Variants in OSBPL8 observed in about 807,000 individuals in gnomAD.
The protein encoded by OSBPL8 is oxysterol-binding protein-related protein 8.
In OSBPL8, 59 loss-of-function variants were observed where a neutral mutation model predicts 125.5. The ratio of observed to expected loss-of-function variants is 0.47; its 90% CI spans 0.38 to 0.58. The LOEUF (loss-of-function observed/expected upper bound fraction) is 0.58. OSBPL8 is among the 20% of genes least tolerant of loss of function. The pLI is 0.00. For missense variants in OSBPL8, 758 were observed against 1,047.8 expected, an observed-to-expected ratio of 0.72 and a Z score of 3.82; for synonymous variants, 330 against 338.9, an observed-to-expected ratio of 0.97 and a Z score of 0.29.
intron 17 of OSBPL8, among the ~76,000 whole-genome samples, chr12:76,374,835 A>T (rs1270209780): frequency 6.6e-6 from 1 of 152,152 alleles, no homozygotes; most frequent in Non-Finnish European, 1.5e-5. Flanking sequence ...CATAGTTATT[A>T]AGTCTGTGAG....
chr12:76,497,821 T>C (rs1879434169), intron 1 of OSBPL8, among the ~76,000 whole-genome samples: 1 of 152,182 alleles, frequency 6.6e-6, no homozygotes. Context: ...AAGAGACTCT[T>C]ATATAACACT....
At chr12:76,510,530 A>G (rs754676528) in intron 1 of OSBPL8, among the ~76,000 whole-genome samples, 2 of 152,202 alleles carry the variant, frequency 1.3e-5, no homozygotes, top group African/African-American at 4.8e-5. Flanking sequence ...CTTAATACCT[A>G]TTACTGCTTC....
chr12:76,553,425 A>G (rs1332154143), intron 1 of OSBPL8, among the ~76,000 whole-genome samples: 1 of 151,696 alleles, frequency 6.6e-6, no homozygotes, highest in Non-Finnish European at 1.5e-5. Flanking sequence ...GCACTTTGGG[A>G]GACCAAGGTG....
At chr12:76,495,989 C>T (rs1879223928) in intron 1 of OSBPL8, among the ~76,000 whole-genome samples, 1 of 151,948 alleles carries the variant, frequency 6.6e-6, no homozygotes, top group African/African-American at 2.4e-5. Flanking sequence ...TGTGTACTTC[C>T]TGAAGTATCT....
intron 1 of OSBPL8, among the ~76,000 whole-genome samples, chr12:76,518,586 G>T (rs1483074831): frequency 6.6e-6 from 1 of 152,222 alleles, no homozygotes; most frequent in Non-Finnish European, 1.5e-5. Flanking sequence ...CCTAGTAGAG[G>T]TTCTCTGTGA....
intron 12 of OSBPL8, among the ~76,000 whole-genome samples, chr12:76,387,905 G>T (rs1483803663): frequency 6.6e-6 from 1 of 152,044 alleles, no homozygotes; most frequent in Non-Finnish European, 1.5e-5. Flanking sequence ...TTACTGCCCC[G>T]TCTCTCCACA....
In OSBPL8 at chr12:76,470,667, T is replaced by C. The variant is rs61603403; in HGVS notation, c.43-10772A>G. Among the ~76,000 whole-genome samples, 124 of 152,302 alleles carry C rather than the reference T, an allele frequency of 8.1e-4. No individual in the cohort carries two copies. In the East Asian group the frequency reaches 0.021, roughly 25 times the overall value. Reference sequence around the variant, plus strand: ...ATTCCTTCTAGATTTCTATTCCATTTCTAACAAATCACTGATTAGTATATC... The same window carrying C: ...ATTCCTTCTAGATTTCTATTCCATTCCTAACAAATCACTGATTAGTATATC... On this transcript the variant is annotated intron_variant, in intron 2 of 23. Coordinates refer to ENST00000261183, the MANE Select transcript of OSBPL8 (RefSeq NM_020841.5).
chr12:76,463,831 C>A (rs1160493041), intron 2 of OSBPL8, among the ~76,000 whole-genome samples: 3 of 152,152 alleles, frequency 2.0e-5, no homozygotes, highest in African/African-American at 7.2e-5. Context: ...GATTACATAT[C>A]AAATTTACAA....
At chr12:76,441,315 C>T (rs995781278) in intron 4 of OSBPL8, among the ~76,000 whole-genome samples, 1 of 152,096 alleles carries the variant, frequency 6.6e-6, no homozygotes, top group African/African-American at 2.4e-5. Flanking sequence ...TTCATTGTTT[C>T]ATTCTTAAAT....
chr12:76,400,653 C>T (rs985184801), intron 6 of OSBPL8, among the ~76,000 whole-genome samples: 10 of 151,012 alleles, frequency 6.6e-5, no homozygotes, highest in South Asian at 2.1e-4. Flanking sequence ...AAGTCTAAAC[C>T]GCTGTAGAAT....
At chr12:76,552,910 C>T (rs1950984967) in intron 1 of OSBPL8, among the ~76,000 whole-genome samples, 1 of 152,196 alleles carries the variant, frequency 6.6e-6, no homozygotes, top group Non-Finnish European at 1.5e-5. Flanking sequence ...TCTTGCAAAA[C>T]AGCCTAGAAC....
At chr12:76,520,679 C>T (rs1467350609) in intron 1 of OSBPL8, among the ~76,000 whole-genome samples, 4 of 152,028 alleles carry the variant, frequency 2.6e-5, no homozygotes, top group Non-Finnish European at 4.4e-5. Context: ...TCCACTAGCA[C>T]TACACATTGC....
chr12:76,507,314 C>T (rs938300909), intron 1 of OSBPL8, among the ~76,000 whole-genome samples: 3 of 151,698 alleles, frequency 2.0e-5, no homozygotes, highest in African/African-American at 7.3e-5. Flanking sequence ...GGAGCACCTA[C>T]TAGGCAAGGT....
At chr12:76,417,342 T>C (rs1868816767) in intron 4 of OSBPL8, among the ~76,000 whole-genome samples, 1 of 152,220 alleles carries the variant, frequency 6.6e-6, no homozygotes, top group South Asian at 2.1e-4. Flanking sequence ...TGATGGTCTG[T>C]AGTTTCACTA....
chr12:76,480,506 T>G (rs1044717139), intron 2 of OSBPL8, among the ~76,000 whole-genome samples: 1 of 152,218 alleles, frequency 6.6e-6, no homozygotes, highest in African/African-American at 2.4e-5. Flanking sequence ...CAATCTTGTA[T>G]GTATGATTAA....
At chr12:76,366,956 C>A (rs2136175770) in intron 21 of OSBPL8, among the ~76,000 whole-genome samples, 1 of 152,276 alleles carries the variant, frequency 6.6e-6, no homozygotes, top group South Asian at 2.1e-4. Flanking sequence ...CGTCATATGG[C>A]ATAACATATG....
intron 2 of OSBPL8, among the ~76,000 whole-genome samples, chr12:76,477,861 A>AAT (rs1443922375): frequency 2.6e-5 from 4 of 151,948 alleles, no homozygotes; most frequent in South Asian, 2.1e-4. Context: ...TTTATTTAAA[A>AAT]ATATATATAT....
At chr12:76,382,720 T>TA (rs1237031389) in intron 15 of OSBPL8, among the ~76,000 whole-genome samples, 2 of 152,130 alleles carry the variant, frequency 1.3e-5, no homozygotes, top group African/African-American at 4.8e-5. Context: ...CCATCTCTAC[T>TA]AAAAATACAA....
chr12:76,550,424 T>C (rs1470453443), intron 1 of OSBPL8, among the ~76,000 whole-genome samples: 1 of 152,142 alleles, frequency 6.6e-6, no homozygotes, highest in Non-Finnish European at 1.5e-5. Context: ...TTTTCATAAT[T>C]TAGAGACAAC....
Sources: gnomAD v4.1 joint callset for allele counts (sites outside exome capture counted in the v4.1 genomes callset) on GRCh38, gnomAD v4.1.1 for gene constraint, MANE v1.5 for transcripts, NCBI Gene and HGNC (gene_info 2026-07-23, HGNC 2026-07-21) for gene names.